Variants in PCDHA2 observed in about 807,000 individuals in gnomAD.
PCDHA2 encodes protocadherin alpha-2.
Under a neutral mutation model 66.0 loss-of-function variants are expected in PCDHA2, and 58 were observed. The observed-to-expected ratio is 0.88, with a 90% CI of 0.71 to 1.09. PCDHA2 has a LOEUF of 1.09. Among genes scored for constraint, PCDHA2 ranks in the 50% least tolerant of loss-of-function variants. PCDHA2 has a pLI of 0.00. For missense variants in PCDHA2, 1,267 were observed against 1,242.3 expected, an observed-to-expected ratio of 1.02 and a Z score of -0.30; for synonymous variants, 634 against 554.0, an observed-to-expected ratio of 1.14 and a Z score of -2.03.
chr5:140,820,966 A>G (rs1766867474), intron 1 of PCDHA2, among the ~76,000 whole-genome samples: 1 of 152,142 alleles, frequency 6.6e-6, no homozygotes, highest in Non-Finnish European at 1.5e-5. Context: ...TTGAGTCAAT[A>G]CAAAAAGTAG....
Position 140,850,144 on chromosome 5 carries a change from C to G in PCDHA2, c.2388+52792C>G. On this transcript the variant is annotated intron_variant, in intron 1 of 3. Transcript: ENST00000526136. ...GTGCCGCCTCTGGGCAGCAACGTGA[C>G]GCTGCAGGTGTTCGTGCTGGACGAG... The G allele has an allele frequency of 1.9e-6, 3 of 1,595,628 alleles. 1 individual carries two copies. In the African/African-American group the frequency reaches 4.0e-5, roughly 21 times the overall value.
At chr5:140,803,125 C>T (rs781899440) in intron 1 of PCDHA2, 2 of 1,613,680 alleles carry the variant, frequency 1.2e-6, no homozygotes, top group African/African-American at 1.3e-5. Context: ...GTGGACGCCC[C>T]GCGCCATCGC....
intron 1 of PCDHA2, among the ~76,000 whole-genome samples, chr5:140,902,200 TTTC>T (rs1318376699): frequency 6.9e-6 from 1 of 144,634 alleles, no homozygotes; most frequent in African/African-American, 2.7e-5. Flanking sequence ...TCTCTCTCTC[TTTC>T]TTTTTTTTTT....
At chr5:140,836,514 T>C in intron 1 of PCDHA2, 2 of 1,613,848 alleles carry the variant, frequency 1.2e-6, no homozygotes, top group Non-Finnish European at 1.7e-6. Flanking sequence ...GTCCAGTCTG[T>C]TGGTGCTTAC....
At chr5:140,858,234 C>A (rs782153266) in intron 1 of PCDHA2, 1 of 1,596,332 alleles carries the variant, frequency 6.3e-7, no homozygotes, top group South Asian at 1.1e-5. Context: ...ACCGAGGGCG[C>A]ATGTGGGCCG....
chr5:140,969,168 C>T (rs1554231530), intron 1 of PCDHA2: 2 of 1,614,088 alleles, frequency 1.2e-6, no homozygotes, highest in Non-Finnish European at 1.7e-6. Flanking sequence ...ACAGCAGGCT[C>T]AGGGAGTGAC....
intron 1 of PCDHA2, among the ~76,000 whole-genome samples, chr5:140,910,536 C>G (rs1554194300): frequency 1.3e-5 from 2 of 152,168 alleles, no homozygotes; most frequent in African/African-American, 4.8e-5. Flanking sequence ...CCTCACAAAT[C>G]TATTTTGCAA....
intron 1 of PCDHA2, among the ~76,000 whole-genome samples, chr5:140,798,345 T>C (rs1762318723): frequency 6.6e-6 from 1 of 152,222 alleles, no homozygotes; most frequent in African/African-American, 2.4e-5. Flanking sequence ...TTCACACTGA[T>C]AACATTTTTG....
rs2150373759 is a variant in PCDHA2 at position 140,844,778 on chromosome 5, T to C, written c.2388+47426T>C. On this transcript the variant is annotated intron_variant, in intron 1 of 3. Coordinates refer to ENST00000526136, the MANE Select transcript of PCDHA2 (RefSeq NM_018905.3). ...TTTGAAAAATCCAAGATACTTTATT[T>C]TGGTATCTTTCAACATTTTCTTTCT... Among the ~76,000 whole-genome samples the C allele has an allele frequency of 4.0e-5, 6 of 149,392 alleles. 1 individual carries two copies. Among genetic ancestry groups the C allele is most frequent in the African/African-American group, 1.5e-4 (6 of 40,816 alleles).
chr5:140,926,538 G>A (rs155362), intron 1 of PCDHA2: 1 of 210,368 alleles, frequency 4.8e-6, no homozygotes, highest in Admixed American at 5.9e-5. Flanking sequence ...CAGCCAGCGT[G>A]GTGGTCGAGA....
intron 1 of PCDHA2, chr5:140,835,456 C>T: frequency 6.2e-7 from 1 of 1,613,924 alleles, no homozygotes; most frequent in East Asian, 2.2e-5. Context: ...CTGTCTCTCC[C>T]TATTCCAGAG....
At chr5:140,861,509 G>T in intron 1 of PCDHA2, 1 of 479,910 alleles carries the variant, frequency 2.1e-6, no homozygotes, top group Non-Finnish European at 4.3e-6. Context: ...ACCTCGAGGA[G>T]CTGTGTGGGA....
At chr5:140,857,705 T>C in intron 1 of PCDHA2, 1 of 1,597,138 alleles carries the variant, frequency 6.3e-7, no homozygotes, top group Non-Finnish European at 8.6e-7. Flanking sequence ...GCTGCAGGTG[T>C]TCGTGCTGGA....
intron 1 of PCDHA2, chr5:140,851,169 T>C: frequency 1.6e-6 from 2 of 1,280,288 alleles, no homozygotes; most frequent in Non-Finnish European, 2.0e-6. Flanking sequence ...TATGCTGCCA[T>C]AACACTTGAA....
intron 1 of PCDHA2, chr5:140,824,356 T>A (rs2150134202): frequency 1.4e-5 from 8 of 579,216 alleles, no homozygotes; most frequent in Non-Finnish European, 2.1e-5. Context: ...TAATATTTTA[T>A]ATTAGCATTT....
chr5:140,956,562 T>C (rs1395246956), intron 1 of PCDHA2, among the ~76,000 whole-genome samples: 1 of 152,212 alleles, frequency 6.6e-6, no homozygotes, highest in Non-Finnish European at 1.5e-5. Flanking sequence ...CAGTATCTTA[T>C]TGAGGATTTT....
chr5:140,967,747 A>C, intron 1 of PCDHA2: 1 of 1,614,160 alleles, frequency 6.2e-7, no homozygotes, highest in Non-Finnish European at 8.5e-7. Context: ...ATTATGAGGA[A>C]GCCTCCTCCT....
At chr5:140,915,650 C>G (rs1554197017) in intron 1 of PCDHA2, among the ~76,000 whole-genome samples, 1 of 151,636 alleles carries the variant, frequency 6.6e-6, no homozygotes, top group Non-Finnish European at 1.5e-5. Flanking sequence ...CTCTCTCTCT[C>G]TCTCTCAAGG....
intron 1 of PCDHA2, chr5:140,884,480 A>T (rs782532542): frequency 7.4e-6 from 12 of 1,613,662 alleles, no homozygotes; most frequent in Non-Finnish European, 9.3e-6. Flanking sequence ...GGGCAAGCCC[A>T]CTCTAGTGTG....
Sources: gnomAD v4.1 joint callset for allele counts (sites outside exome capture counted in the v4.1 genomes callset) on GRCh38, gnomAD v4.1.1 for gene constraint, MANE v1.5 for transcripts, NCBI Gene and HGNC (gene_info 2026-07-23, HGNC 2026-07-21) for gene names.